The following EYA1 variants were observed in gnomAD, a reference collection of about 807,000 sequenced individuals.
EYA1 encodes the protein protein phosphatase EYA1.
In EYA1, 16 loss-of-function variants were observed where a neutral mutation model predicts 82.0. That is an observed-to-expected ratio of 0.20 (90% CI 0.13 to 0.30). The LOEUF is 0.30. Among genes scored for constraint, EYA1 ranks in the 10% least tolerant of loss-of-function variants. The pLI, the probability that EYA1 is intolerant of heterozygous loss-of-function variation, is 1.00. For synonymous variants in EYA1, 261 were observed against 264.4 expected (o/e 0.99, Z 0.12); for missense variants, 633 against 730.7 (o/e 0.87, Z 1.54).
rs113969996 is a variant in EYA1, at chr8:71,465,754, G to A, written c.33+69990C>T. ...TTTGAATGTGTCCCCTCCAAAATTC[G>A]TGTTGAAATTTAATTTCTATTGTGG... On this transcript the variant is annotated intron_variant, in intron 2 of 18. Coordinates refer to the EYA1 transcript ENST00000643681. Among the ~76,000 whole-genome samples the A allele has an allele frequency of 1.5e-3, 224 of 152,180 alleles. 1 individual carries two copies. The highest frequency in any genetic ancestry group is 4.3e-3 in the Admixed American group (65 of 15,278).
chr8:71,421,163 A>G (rs1055039462), intron 2 of EYA1, among the ~76,000 whole-genome samples: 3 of 152,174 alleles, frequency 2.0e-5, no homozygotes, highest in Admixed American at 1.3e-4. Context: ...TGTTTTCATC[A>G]GGGATAAAAA....
rs757083620 is a variant in EYA1, at chr8:71,304,277, T to A, written c.557-4557A>T. Among the ~76,000 whole-genome samples, 20 of 142,372 alleles carry A rather than the reference T, an allele frequency of 1.4e-4. 2 individuals are homozygous for A. 93.4% of individuals were successfully genotyped at this position (142,372 alleles called of 152,430 possible). A position where few individuals can be genotyped will look rare whatever the true frequency, so the allele number is the denominator to read the frequency against. On this transcript the variant is annotated intron_variant, in intron 7 of 17. Coordinates refer to ENST00000340726, the MANE Select transcript of EYA1 (RefSeq NM_000503.6). ...ACCCCAGGAGGTGGATGCTGTTACA[T>A]CCCGTTTATAGACGAAGAAACTGCC... is the stretch of plus-strand genomic sequence containing the variant.
intron 2 of EYA1, among the ~76,000 whole-genome samples, chr8:71,401,489 C>T (rs887927088): frequency 1.3e-5 from 2 of 152,180 alleles, no homozygotes; most frequent in Admixed American, 1.3e-4. Context: ...AATAAAATCA[C>T]TTACAGCTTA....
chr8:71,216,962 C>G lies in EYA1; in HGVS notation c.1199+3G>C. Reference sequence around the variant, plus strand: ...TGGTCACTTCACATTCAAGGGTGCTCACCTTAGGTCCTGTCCGTTATCATC... The same window carrying G: ...TGGTCACTTCACATTCAAGGGTGCTGACCTTAGGTCCTGTCCGTTATCATC... On this transcript the variant is annotated splice_donor_region_variant and intron_variant, in intron 13 of 17. Transcript: ENST00000340726. 1 of 1,613,364 alleles carries G rather than the reference C, an allele frequency of 6.2e-7. No individual in the cohort carries two copies. Among genetic ancestry groups the G allele is most frequent in the Non-Finnish European group, 8.5e-7 (1 of 1,179,324 alleles).
intron 2 of EYA1, among the ~76,000 whole-genome samples, chr8:71,520,336 A>C (rs1813301828): frequency 6.6e-6 from 1 of 150,636 alleles, no homozygotes; most frequent in African/African-American, 2.5e-5. Flanking sequence ...GCTTATCCTT[A>C]AGGAAGAGAA....
intron 3 of EYA1, among the ~76,000 whole-genome samples, chr8:71,351,735 A>C (rs892532647): frequency 3.3e-5 from 5 of 152,216 alleles, no homozygotes; most frequent in African/African-American, 1.2e-4. Flanking sequence ...CAGCAGACTT[A>C]AGAAGAAACT....
intron 2 of EYA1, among the ~76,000 whole-genome samples, chr8:71,408,960 C>T (rs1377671979): frequency 8.4e-6 from 1 of 118,706 alleles, no homozygotes. Flanking sequence ...CAAAATTGAC[C>T]ACATACTTGG....
intron 12 of EYA1, among the ~76,000 whole-genome samples, chr8:71,228,432 G>T (rs1157378380): frequency 6.6e-6 from 1 of 151,782 alleles, no homozygotes; most frequent in Non-Finnish European, 1.5e-5. Context: ...AAGGGGAAAT[G>T]GAGTTGGCTG....
chr8:71,322,570 A>G (rs953945276), intron 4 of EYA1: 1 of 399,314 alleles, frequency 2.5e-6, no homozygotes, highest in South Asian at 2.2e-5. Context: ...CAATACTTAA[A>G]GAGTACAAGG....
chr8:71,285,673 C>G (rs754169062), intron 9 of EYA1, among the ~76,000 whole-genome samples: 7 of 152,122 alleles, frequency 4.6e-5, no homozygotes, highest in Non-Finnish European at 8.8e-5. Context: ...GCATATTAAC[C>G]CAAAAGGCTT....
chr8:71,326,916 C>T (rs1391426065), intron 4 of EYA1, among the ~76,000 whole-genome samples: 1 of 152,178 alleles, frequency 6.6e-6, no homozygotes, highest in Admixed American at 6.5e-5. Flanking sequence ...ATGCCACAAA[C>T]CCCCTGACCC....
At chr8:71,234,959 C>T (rs1811654992) in intron 12 of EYA1, among the ~76,000 whole-genome samples, 1 of 152,120 alleles carries the variant, frequency 6.6e-6, no homozygotes, top group African/African-American at 2.4e-5. Flanking sequence ...ATCACTTTTC[C>T]AGTACTCAAG....
In EYA1 at chr8:71,495,666, ACTTATAT is replaced by A. The variant is rs1388714707; in HGVS notation, c.33+40071_33+40077del. Among the ~76,000 whole-genome samples, 3 of 152,276 alleles carry A rather than the reference ACTTATAT, an allele frequency of 2.0e-5. No homozygotes were observed. The East Asian group carries it at 5.8e-4, about 29-fold the overall frequency. On this transcript the variant is annotated intron_variant, in intron 2 of 18. Transcript: ENST00000643681. ...TTTAATTCTAGCAATGATTGGAACTACTTATATCTTATATTCAGTTGTAAGACAACAT... is the reference window on the plus strand; with the variant it reads ...TTTAATTCTAGCAATGATTGGAACTACTTATATTCAGTTGTAAGACAACAT...
chr8:71,207,297 A>G (rs951812969), intron 17 of EYA1, among the ~76,000 whole-genome samples: 4 of 152,242 alleles, frequency 2.6e-5, no homozygotes, highest in African/African-American at 9.6e-5. Context: ...CTCTTAACTC[A>G]TATACAAAGA....
At chr8:71,236,950 C>T (rs1224759984) in intron 12 of EYA1, among the ~76,000 whole-genome samples, 1 of 152,144 alleles carries the variant, frequency 6.6e-6, no homozygotes, top group East Asian at 1.9e-4. Flanking sequence ...TATATCCTTA[C>T]CAGCAATGTA....
At chr8:71,199,617 T>C (rs1806683635) in intron 17 of EYA1, among the ~76,000 whole-genome samples, 197 bp from the exon 18 acceptor site, 1 of 152,154 alleles carries the variant, frequency 6.6e-6, no homozygotes, top group African/African-American at 2.4e-5. Flanking sequence ...AGTTGTAAAA[T>C]GTAATCTAGA....
At chr8:71,502,845 A>G (rs573626645) in intron 2 of EYA1, among the ~76,000 whole-genome samples, 4 of 152,300 alleles carry the variant, frequency 2.6e-5, no homozygotes, top group African/African-American at 7.2e-5. Context: ...AATTTATCCA[A>G]TTGCCATTGT....
chr8:71,239,694 G>A (rs1227351532), intron 12 of EYA1, among the ~76,000 whole-genome samples: 1 of 152,202 alleles, frequency 6.6e-6, no homozygotes, highest in Non-Finnish European at 1.5e-5. Context: ...TTGTGGAGGG[G>A]TTTGGAAGCA....
chr8:71,433,968 T>C (rs4286979), intron 2 of EYA1, among the ~76,000 whole-genome samples: 58,694 of 152,094 alleles, frequency 0.39, 12,002 homozygotes, highest in Non-Finnish European at 0.45. Flanking sequence ...TGAAGAAAGA[T>C]AGTGGCTTGC....
Sources: allele counts gnomAD v4.1 joint callset (sites outside exome capture counted in the v4.1 genomes callset), GRCh38; gene constraint gnomAD v4.1.1; transcripts MANE v1.5; gene names NCBI Gene and HGNC (gene_info 2026-07-23, HGNC 2026-07-21).